UBAP2: variants seen among roughly 807,000 people sequenced by gnomAD.
UBAP2 encodes ubiquitin associated protein 2, also known as ubiquitin-associated protein 2.
In UBAP2, 75 loss-of-function variants were observed where a neutral mutation model predicts 139.6. That is an observed-to-expected ratio of 0.54 (90% CI 0.45 to 0.65). The LOEUF (loss-of-function observed/expected upper bound fraction) is 0.65, where lower values mean the gene tolerates loss of function less well. UBAP2 is among the 30% of genes least tolerant of loss of function. The pLI, the probability that UBAP2 is intolerant of heterozygous loss-of-function variation, is 0.00. For missense variants in UBAP2, 1,368 were observed against 1,369.6 expected, an observed-to-expected ratio of 1.00 and a Z score of 0.02; for synonymous variants, 526 against 526.2, an observed-to-expected ratio of 1.00 and a Z score of 0.01.
At chr9:33,968,529 C>T (rs555525536) in intron 8 of UBAP2, 66 of 443,000 alleles carry the variant, frequency 1.5e-4, no homozygotes, top group South Asian at 1.3e-3. Flanking sequence ...TTGGTGGAAT[C>T]AAGGGCCATT....
chr9:33,980,457 G>A (rs1820563401), intron 6 of UBAP2, among the ~76,000 whole-genome samples: 1 of 150,600 alleles, frequency 6.6e-6, no homozygotes, highest in Non-Finnish European at 1.5e-5. Flanking sequence ...TAGCCAGGGT[G>A]GTCTCGATCT....
In UBAP2 at chr9:33,932,651, G is replaced by A. The variant is rs372576308; in HGVS notation, c.2109-23C>T. 7.1e-4 allele frequency: 1,152 copies of A among 1,612,538 alleles called. 4 individuals are homozygous for A. Among genetic ancestry groups the A allele is most frequent in the Non-Finnish European group, 8.9e-4 (1,047 of 1,179,470 alleles). On this transcript the variant is annotated intron_variant, in intron 18 of 28. Transcript: ENST00000379238. Reference sequence around the variant, plus strand: ...GAACTAGAAGACAAAACAGAGCGCCGTATGTCCACCTGAACAAGTGACTCC... The same window carrying A: ...GAACTAGAAGACAAAACAGAGCGCCATATGTCCACCTGAACAAGTGACTCC...
chr9:33,963,614 C>A (rs1338890623), intron 9 of UBAP2, 112 bp downstream of exon 9: 3 of 639,164 alleles, frequency 4.7e-6, no homozygotes, highest in Admixed American at 5.6e-5. Flanking sequence ...GTATAGTTTA[C>A]AAACATTTAT....
At chr9:34,005,774 A>C (rs1265799304) in intron 2 of UBAP2, among the ~76,000 whole-genome samples, 2 of 152,220 alleles carry the variant, frequency 1.3e-5, no homozygotes, top group Non-Finnish European at 2.9e-5. Flanking sequence ...AAGCCTCCAA[A>C]GAATAAAAAT....
At chr9:33,952,260 T>C (rs1187538463) in intron 12 of UBAP2, among the ~76,000 whole-genome samples, 1 of 152,202 alleles carries the variant, frequency 6.6e-6, no homozygotes, top group Non-Finnish European at 1.5e-5. Flanking sequence ...CTTCCTGTAG[T>C]TGGGTAGGAA....
At chr9:34,034,690 T>C (rs575119997) in intron 1 of UBAP2, among the ~76,000 whole-genome samples, 1 of 152,050 alleles carries the variant, frequency 6.6e-6, no homozygotes, top group Non-Finnish European at 1.5e-5. Flanking sequence ...CTGGCTAACA[T>C]GGTGAAACCC....
intron 1 of UBAP2, among the ~76,000 whole-genome samples, chr9:34,031,313 G>A (rs2131331268): frequency 6.6e-6 from 1 of 151,698 alleles, no homozygotes; most frequent in Middle Eastern, 3.4e-3. Context: ...GGCCAACATG[G>A]CAAAACCCCG....
At chr9:34,004,041 TGAATACAAA>T (rs1249760961) in intron 2 of UBAP2, among the ~76,000 whole-genome samples, 1 of 151,938 alleles carries the variant, frequency 6.6e-6, no homozygotes, top group Non-Finnish European at 1.5e-5. Context: ...TTTCTAACAA[TGAATACAAA>T]GAAGTAAAAC....
intron 12 of UBAP2, chr9:33,948,821 A>G (rs571879244): frequency 4.5e-6 from 2 of 442,748 alleles, no homozygotes; most frequent in South Asian, 3.9e-5. Flanking sequence ...GGGAAGGGAA[A>G]TATTTGCCAT....
chr9:34,003,442 A>C, intron 2 of UBAP2, among the ~76,000 whole-genome samples: 1 of 129,868 alleles, frequency 7.7e-6, no homozygotes. Context: ...CGTGATCGCG[A>C]CTCACTGCAA....
chr9:34,031,653 C>G (rs1825898050), intron 1 of UBAP2, among the ~76,000 whole-genome samples: 2 of 151,948 alleles, frequency 1.3e-5, no homozygotes, highest in African/African-American at 2.4e-5. Flanking sequence ...CTGCCTGAGC[C>G]TCCCAGTAGC....
intron 2 of UBAP2, among the ~76,000 whole-genome samples, chr9:34,001,310 T>G (rs1365475588): frequency 1.3e-5 from 2 of 152,232 alleles, no homozygotes; most frequent in Non-Finnish European, 2.9e-5. Flanking sequence ...GGTAGCCTCC[T>G]AGTGTGTCCA....
intron 4 of UBAP2, among the ~76,000 whole-genome samples, chr9:33,991,366 G>C (rs1375381984): frequency 6.6e-5 from 10 of 152,126 alleles, no homozygotes; most frequent in Non-Finnish European, 1.2e-4. Flanking sequence ...ATGATCAACA[G>C]CATAAAAGGA....
chr9:33,981,085 ATATATATATATATTC>A lies in UBAP2; in HGVS notation c.520+5660_520+5674del, dbSNP rs1820639308. On this transcript the variant is annotated intron_variant, in intron 6 of 28. Transcript: ENST00000379238. ...ACTTCATATATATATATATATATAT[ATATATATATATATTC>A]TGGATATATATATATATATATATAT... Among the ~76,000 whole-genome samples the A allele has an allele frequency of 9.3e-5, 2 of 21,564 alleles. 1 individual carries two copies. The highest frequency in any genetic ancestry group is 2.1e-4 in the Non-Finnish European group (2 of 9,418). 14.1% of individuals were successfully genotyped at this position (21,564 alleles called of 152,430 possible).
chr9:33,922,617 G>A lies in UBAP2; in HGVS notation c.3265-18C>T, dbSNP rs201372104. 38 of 1,610,940 alleles carry A rather than the reference G, an allele frequency of 2.4e-5. No individual in the cohort carries two copies. The African/African-American group carries it at 4.7e-4, about 20-fold the overall frequency. On this transcript the variant is annotated intron_variant, in intron 28 of 28. Transcript: ENST00000379238. The stretch of plus-strand genomic sequence containing the variant: ...GAGCCACTCTGAGGAAGAGGAGAAG[G>A]GAAGGCTGTCAAGGCTGGAGCAGAA...
chr9:33,978,192 A>G (rs1820321886), intron 6 of UBAP2, among the ~76,000 whole-genome samples: 1 of 151,876 alleles, frequency 6.6e-6, no homozygotes, highest in Admixed American at 6.6e-5. Context: ...TGCTATGTGG[A>G]ACAAGGACTC....
At chr9:34,023,784 G>A (rs962951041) in intron 1 of UBAP2, among the ~76,000 whole-genome samples, 25 of 152,138 alleles carry the variant, frequency 1.6e-4, no homozygotes, top group African/African-American at 6.0e-4. Flanking sequence ...AGTAGCTCAC[G>A]CCTGTAATCC....
intron 10 of UBAP2, 152 bp from the exon 11 acceptor site, chr9:33,956,298 T>C (rs762458760): frequency 5.4e-5 from 28 of 517,648 alleles, no homozygotes; most frequent in African/African-American, 1.0e-4. Flanking sequence ...CCATGACAAG[T>C]AATTTTCAAG....
rs1253965445 is a variant in UBAP2, at chr9:33,976,692, T to C, written c.521-3455A>G. On this transcript the variant is annotated intron_variant, in intron 6 of 28. Coordinates refer to ENST00000379238, the MANE Select transcript of UBAP2 (RefSeq NM_001370062.2). Reference sequence around the variant, plus strand: ...GATGAAATGTATGGTATGTAAATTTTGTAAAGAATATTTTCTTTCTTAGGC... The same window carrying C: ...GATGAAATGTATGGTATGTAAATTTCGTAAAGAATATTTTCTTTCTTAGGC... 3.3e-5 allele frequency among the ~76,000 whole-genome samples: 5 copies of C among 152,324 alleles called. No individual in the cohort carries two copies. The East Asian group carries it at 7.7e-4, about 23-fold the overall frequency.
Sources: allele counts gnomAD v4.1 joint callset (sites outside exome capture counted in the v4.1 genomes callset), GRCh38; gene constraint gnomAD v4.1.1; transcripts MANE v1.5; gene names NCBI Gene and HGNC (gene_info 2026-07-23, HGNC 2026-07-21).